Variants in NCOA2 observed in about 807,000 individuals in gnomAD.
NCOA2 encodes the protein class E basic helix-loop-helix protein 75.
NCOA2 carries 21 observed loss-of-function variants against 145.1 expected under a neutral mutation model. The observed-to-expected ratio is 0.14, with a 90% confidence interval of 0.10 to 0.21. The LOEUF (loss-of-function observed/expected upper bound fraction) is 0.21. NCOA2 is among the 10% of genes least tolerant of loss of function. The pLI is 1.00. For missense variants in NCOA2, 1,472 were observed against 1,837.6 expected (o/e 0.80, Z 3.64); for synonymous variants, 619 against 637.5 (o/e 0.97, Z 0.44).
intron 1 of NCOA2, among the ~76,000 whole-genome samples, chr8:70,369,444 A>G (rs182385324): frequency 1.1e-3 from 169 of 152,294 alleles, no homozygotes; most frequent in African/African-American, 3.9e-3. Flanking sequence ...TAATGAAATT[A>G]CTCCCATCAT....
intron 4 of NCOA2, among the ~76,000 whole-genome samples, chr8:70,200,253 T>A (rs993781706): frequency 7.2e-5 from 11 of 152,220 alleles, no homozygotes; most frequent in African/African-American, 2.6e-4. Context: ...GCATAAAATA[T>A]GTATATTTAT....
chr8:70,375,657 A>G (rs958403813), intron 1 of NCOA2, among the ~76,000 whole-genome samples: 9 of 152,206 alleles, frequency 5.9e-5, no homozygotes, highest in African/African-American at 2.2e-4. Flanking sequence ...TCTAACTTCA[A>G]TTGCTGATCA....
At chr8:70,440,770 GGAAA>G in the NCOA2 span, among the ~76,000 whole-genome samples, 22 of 145,380 alleles carry the variant, frequency 1.5e-4, no homozygotes, top group Non-Finnish European at 2.9e-4. Context: ...AGGAAAGAAA[GGAAA>G]GAAAGAAAAG....
the NCOA2 span, among the ~76,000 whole-genome samples, chr8:70,415,474 G>A: frequency 3.9e-5 from 6 of 152,114 alleles, no homozygotes; most frequent in Non-Finnish European, 7.4e-5. Flanking sequence ...CTTAGAATAC[G>A]ATAGATATTT....
Position 70,131,985 on chromosome 8 carries a change from G to C in NCOA2, c.3176C>G (p.Ser1059Cys). Residue 1059 changes from serine to cysteine, a missense_variant, in exon 16 of 23, where the codon TCT becomes TGT. Physicochemically the swap from Ser to Cys is moderately radical, Grantham distance 112. Coordinates refer to ENST00000452400, the MANE Select transcript of NCOA2 (RefSeq NM_006540.4). ...ASQNRQPFGS[S>C]PDDLLCPHPA... ...ATGTGGACATAGCAAGTCATCTGGA[G>C]AACTGCCAAATGGCTGCCTGTAAAG... 2 of 1,612,516 alleles carry C rather than the reference G, an allele frequency of 1.2e-6. No homozygotes were observed. The highest frequency in any genetic ancestry group is 1.7e-6 in the Non-Finnish European group (2 of 1,179,350).
At chr8:70,434,978 T>C in the NCOA2 span, among the ~76,000 whole-genome samples, 1 of 152,156 alleles carries the variant, frequency 6.6e-6, no homozygotes, top group Non-Finnish European at 1.5e-5. Flanking sequence ...TTAGACATAT[T>C]TTTCTTAACC....
chr8:70,369,037 G>A (rs971164971), intron 1 of NCOA2, among the ~76,000 whole-genome samples: 2 of 152,130 alleles, frequency 1.3e-5, no homozygotes, highest in African/African-American at 2.4e-5. Context: ...TTCCATTTCT[G>A]TCCCATTAAC....
At chr8:70,265,685 G>T (rs1440598835) in intron 2 of NCOA2, among the ~76,000 whole-genome samples, 1 of 152,118 alleles carries the variant, frequency 6.6e-6, no homozygotes, top group Non-Finnish European at 1.5e-5. Context: ...AGTCCATTTG[G>T]AATGCCATCC....
the NCOA2 span, among the ~76,000 whole-genome samples, chr8:70,410,621 G>A: frequency 1.1e-4 from 16 of 152,228 alleles, no homozygotes; most frequent in East Asian, 1.9e-4. Flanking sequence ...AAGCATGGCC[G>A]ATGTTTTATT....
At chr8:70,445,222 T>A in the NCOA2 span, among the ~76,000 whole-genome samples, 1 of 152,212 alleles carries the variant, frequency 6.6e-6, no homozygotes. Flanking sequence ...CCTGCCTTAT[T>A]TTTAAATCAG....
chr8:70,324,355 G>C (rs1200182171), intron 1 of NCOA2, among the ~76,000 whole-genome samples: 1 of 151,916 alleles, frequency 6.6e-6, no homozygotes, highest in African/African-American at 2.4e-5. Context: ...GTTTATTTTT[G>C]AGACAAGGTC....
At chr8:70,304,051 C>T (rs898263055) in intron 1 of NCOA2, among the ~76,000 whole-genome samples, 1 of 152,080 alleles carries the variant, frequency 6.6e-6, no homozygotes, top group African/African-American at 2.4e-5. Flanking sequence ...ACTGTTGCAA[C>T]GACCATTCTG....
intron 4 of NCOA2, among the ~76,000 whole-genome samples, chr8:70,193,475 A>G (rs1286361068): frequency 6.6e-6 from 1 of 152,232 alleles, no homozygotes; most frequent in Non-Finnish European, 1.5e-5. Flanking sequence ...CATATTATCT[A>G]AGAGACAAAA....
intron 1 of NCOA2, among the ~76,000 whole-genome samples, chr8:70,297,926 G>A (rs1250751476): frequency 6.6e-6 from 1 of 152,118 alleles, no homozygotes; most frequent in Non-Finnish European, 1.5e-5. Context: ...AATATTTACT[G>A]CTTTTGTATA....
chr8:70,281,082 GGT>G (rs1435827861), intron 2 of NCOA2, among the ~76,000 whole-genome samples: 10 of 152,146 alleles, frequency 6.6e-5, no homozygotes, highest in African/African-American at 2.4e-4. Flanking sequence ...GGCTGGGCAT[GGT>G]GGCTCATGCC....
intron 4 of NCOA2, among the ~76,000 whole-genome samples, chr8:70,204,884 T>TA (rs1478855698): frequency 6.6e-6 from 1 of 152,050 alleles, no homozygotes; most frequent in African/African-American, 2.4e-5. Flanking sequence ...GGTGCACACC[T>TA]ATAATCCCAG....
chr8:70,283,961 A>G (rs2135520498), intron 2 of NCOA2, among the ~76,000 whole-genome samples: 1 of 152,330 alleles, frequency 6.6e-6, no homozygotes, highest in South Asian at 2.1e-4. Flanking sequence ...CTCCAGGTTT[A>G]CAATAACATA....
rs76656425 is a variant in NCOA2 at position 70,112,362 on chromosome 8, A to G, written c.*1270T>C. The G allele has an allele frequency of 5.0e-3, 973 of 193,432 alleles. 7 individuals are homozygous for G. Among genetic ancestry groups the G allele is most frequent in the African/African-American group, 0.021 (898 of 43,208 alleles). 12.0% of individuals were successfully genotyped at this position (193,432 alleles called of 1,614,324 possible). On this transcript the variant is annotated 3_prime_UTR_variant, in exon 23 of 23. Transcript: ENST00000452400. ...CACAAAAATTATACAATTAAAACACATAAGTTCTCAACTTAAATTATTGCT... is the reference window on the plus strand; with the variant it reads ...CACAAAAATTATACAATTAAAACACGTAAGTTCTCAACTTAAATTATTGCT...
intron 2 of NCOA2, among the ~76,000 whole-genome samples, chr8:70,288,029 A>G (rs1826369015): frequency 6.6e-6 from 1 of 152,166 alleles, no homozygotes; most frequent in Admixed American, 6.5e-5. Flanking sequence ...CTAACTGGCT[A>G]ATTAGGTGCA....
Sources: gnomAD v4.1 joint callset for allele counts (sites outside exome capture counted in the v4.1 genomes callset) on GRCh38, gnomAD v4.1.1 for gene constraint, MANE v1.5 for transcripts, NCBI Gene and HGNC (gene_info 2026-07-23, HGNC 2026-07-21) for gene names.